SAXO1: variants seen among roughly 807,000 people sequenced by gnomAD.
The protein encoded by SAXO1 is 4930500O09Rik.
A neutral mutation model predicts 17.5 loss-of-function variants in SAXO1; 21 were observed. The observed-to-expected ratio is 1.20, with a 90% CI of 0.85 to 1.72. SAXO1 has a LOEUF of 1.72. Among genes scored for constraint, SAXO1 ranks in the 40% most tolerant of loss-of-function variants. The pLI is 0.00. For synonymous variants in SAXO1, 274 were observed against 216.5 expected (o/e 1.27, Z -2.33); for missense variants, 843 against 596.0 (o/e 1.41, Z -4.32).
At chr9:19,027,890 G>A (rs1835569503) in intron 1 of SAXO1, 43 of 1,363,334 alleles carry the variant, frequency 3.2e-5, no homozygotes, top group Non-Finnish European at 4.3e-5. Context: ...CCGCAAGATC[G>A]AGTGCCTGGG....
chr9:19,009,288 AGG>A (rs1834622196), intron 1 of SAXO1, among the ~76,000 whole-genome samples: 1 of 152,206 alleles, frequency 6.6e-6, no homozygotes, highest in Non-Finnish European at 1.5e-5. Context: ...AAAGGTAAAA[AGG>A]GAGTTTCAAA....
At chr9:19,030,726 AG>A (rs1295154833) in intron 1 of SAXO1, among the ~76,000 whole-genome samples, 13 of 152,270 alleles carry the variant, frequency 8.5e-5, no homozygotes, top group African/African-American at 3.1e-4. Flanking sequence ...AATAAGAAGA[AG>A]AAAAAGATTC....
chr9:18,976,061 T>A (rs1340450694), intron 1 of SAXO1, among the ~76,000 whole-genome samples: 1 of 152,226 alleles, frequency 6.6e-6, no homozygotes, highest in Admixed American at 6.5e-5. Context: ...ACAGTGCCTA[T>A]GTCTTAGGAA....
At chr9:18,931,521 G>A (rs1753935450) in intron 3 of SAXO1, among the ~76,000 whole-genome samples, 1 of 152,190 alleles carries the variant, frequency 6.6e-6, no homozygotes, top group South Asian at 2.1e-4. Context: ...CTCTTGGGTA[G>A]ATAATAAAGT....
chr9:19,023,117 A>G (rs1456609973), intron 1 of SAXO1, among the ~76,000 whole-genome samples: 1 of 150,608 alleles, frequency 6.6e-6, no homozygotes, highest in African/African-American at 2.4e-5. Flanking sequence ...TATTTAATCA[A>G]GCCCCCCAAA....
intron 2 of SAXO1, among the ~76,000 whole-genome samples, chr9:18,944,386 T>C (rs1348565893): frequency 2.0e-5 from 3 of 152,244 alleles, no homozygotes; most frequent in African/African-American, 7.2e-5. Context: ...GCAACATAAC[T>C]GCATGTCCCC....
intron 1 of SAXO1, among the ~76,000 whole-genome samples, chr9:18,972,880 G>A (rs987371677): frequency 1.3e-5 from 2 of 152,174 alleles, no homozygotes; most frequent in African/African-American, 2.4e-5. Flanking sequence ...CCAACCCAGA[G>A]TACACATGGG....
chr9:18,962,401 T>G (rs1164066580), intron 1 of SAXO1, among the ~76,000 whole-genome samples: 1 of 152,178 alleles, frequency 6.6e-6, no homozygotes, highest in Non-Finnish European at 1.5e-5. Flanking sequence ...TAATGACCAG[T>G]GATGAGCTTT....
At chr9:19,010,127 C>T (rs939400887) in intron 1 of SAXO1, among the ~76,000 whole-genome samples, 9 of 138,766 alleles carry the variant, frequency 6.5e-5, no homozygotes, top group Non-Finnish European at 1.1e-4. Flanking sequence ...CTTTGCCTGG[C>T]CTACATTTTT....
chr9:19,001,494 C>T (rs1204712236), intron 1 of SAXO1, among the ~76,000 whole-genome samples: 1 of 152,034 alleles, frequency 6.6e-6, no homozygotes. Context: ...AGTGAAACCC[C>T]GTCTCTACTA....
intron 3 of SAXO1, among the ~76,000 whole-genome samples, chr9:18,936,549 A>T (rs898233806): frequency 2.0e-5 from 3 of 152,122 alleles, no homozygotes; most frequent in African/African-American, 7.2e-5. Flanking sequence ...ATACCCAACA[A>T]TATAGTTGAA....
intron 1 of SAXO1, among the ~76,000 whole-genome samples, chr9:18,981,471 A>C (rs1474030683): frequency 6.6e-6 from 1 of 152,170 alleles, no homozygotes; most frequent in African/African-American, 2.4e-5. Context: ...CCCTGAGCAG[A>C]TCCTCTGGGT....
At chr9:19,017,214 A>C (rs1835014651) in intron 1 of SAXO1, among the ~76,000 whole-genome samples, 1 of 152,146 alleles carries the variant, frequency 6.6e-6, no homozygotes, top group East Asian at 1.9e-4. Context: ...ATTGATGCCA[A>C]AAAATCTGGA....
At chr9:18,942,600 C>A (rs773112942) in intron 2 of SAXO1, among the ~76,000 whole-genome samples, 11 of 152,250 alleles carry the variant, frequency 7.2e-5, no homozygotes, top group Non-Finnish European at 1.5e-4. Context: ...TCCTTCATTT[C>A]TCTGCTATCT....
At chr9:18,933,928 C>A (rs1314812118) in intron 3 of SAXO1, among the ~76,000 whole-genome samples, 3 of 152,140 alleles carry the variant, frequency 2.0e-5, no homozygotes, top group Admixed American at 2.0e-4. Flanking sequence ...CGCCTGTAGT[C>A]CCAGCTACTA....
intron 1 of SAXO1, among the ~76,000 whole-genome samples, chr9:18,957,559 G>C (rs1465723001): frequency 6.6e-6 from 1 of 152,278 alleles, no homozygotes; most frequent in African/African-American, 2.4e-5. Context: ...CTTGTGACCT[G>C]TCACAGCTGC....
At chr9:19,034,565 TTACAGA>T (rs1835886145), upstream of SAXO1, among the ~76,000 whole-genome samples, 1 of 152,190 alleles carries the variant, frequency 6.6e-6, no homozygotes, top group African/African-American at 2.4e-5. Context: ...ATCTGACATT[TTACAGA>T]GAGAGAGTTC....
intron 2 of SAXO1, among the ~76,000 whole-genome samples, chr9:18,943,427 G>C (rs1212934101): frequency 6.6e-6 from 1 of 152,228 alleles, no homozygotes; most frequent in Non-Finnish European, 1.5e-5. Context: ...GCTGTTCTCA[G>C]TGAGCAAGTA....
intron 1 of SAXO1, among the ~76,000 whole-genome samples, chr9:18,956,024 C>CA (rs887240819): frequency 2.0e-5 from 3 of 151,688 alleles, no homozygotes; most frequent in Non-Finnish European, 4.4e-5. Flanking sequence ...ACTGCAGCCT[C>CA]AAAATTCCTG....
Sources: allele counts gnomAD v4.1 joint callset (sites outside exome capture counted in the v4.1 genomes callset), GRCh38; gene constraint gnomAD v4.1.1; transcripts MANE v1.5; gene names NCBI Gene and HGNC (gene_info 2026-07-23, HGNC 2026-07-21).